The following NLK variants were observed in gnomAD, a reference collection of about 807,000 sequenced individuals.
NLK encodes the protein serine/threonine-protein kinase NLK.
Under a neutral mutation model 59.0 loss-of-function variants are expected in NLK, and 11 were observed. That is an observed-to-expected ratio of 0.19 (90% CI 0.12 to 0.31). NLK has a LOEUF of 0.31. NLK is among the 10% of genes least tolerant of loss of function. NLK has a pLI of 1.00. For synonymous variants in NLK, 235 were observed against 235.9 expected (o/e 1.00, Z 0.03); for missense variants, 410 against 661.1 (o/e 0.62, Z 4.16).
chr17:28,176,576 A>G (rs1251110893), intron 7 of NLK, among the ~76,000 whole-genome samples: 1 of 152,218 alleles, frequency 6.6e-6, no homozygotes, highest in Admixed American at 6.5e-5. Flanking sequence ...CCAGATGTTA[A>G]AATTAGGTTT....
intron 3 of NLK, among the ~76,000 whole-genome samples, chr17:28,148,667 A>T (rs145895058): frequency 1.9e-3 from 295 of 152,336 alleles, no homozygotes; most frequent in Non-Finnish European, 3.2e-3. Flanking sequence ...ACAAGTTGTT[A>T]TGAGGATTAA....
At chr17:28,142,665 C>G (rs1040387424) in intron 3 of NLK, among the ~76,000 whole-genome samples, 7 of 152,140 alleles carry the variant, frequency 4.6e-5, no homozygotes, top group Admixed American at 6.5e-5. Flanking sequence ...TCAGATCAGC[C>G]AGTTTCATAT....
At chr17:28,152,042 T>C (rs893794033) in intron 3 of NLK, among the ~76,000 whole-genome samples, 4 of 152,064 alleles carry the variant, frequency 2.6e-5, no homozygotes, top group African/African-American at 9.6e-5. Flanking sequence ...AGTTGAATTA[T>C]ATGAAAGTGT....
intron 1 of NLK, among the ~76,000 whole-genome samples, chr17:28,066,040 G>A (rs1451422496): frequency 6.6e-6 from 1 of 152,178 alleles, no homozygotes; most frequent in Non-Finnish European, 1.5e-5. Context: ...ACGAAGTTAT[G>A]TCAACGTAGC....
At position 28,190,904 on chromosome 17, in the gene NLK, A is replaced by T. The variant is rs1909283333; in HGVS notation, c.1237-117A>T. On this transcript the variant is annotated intron_variant, in intron 8 of 10. Transcript: ENST00000407008. ...ATTCAATTATCCCTCTTTGGACGGG[A>T]TGTACTATAAATTATATATATGCTA... 9.0e-6 allele frequency: 6 copies of T among 668,102 alleles called. No individual in the cohort carries two copies. The East Asian group carries it at 1.7e-4, about 19-fold the overall frequency. 41.4% of individuals were successfully genotyped at this position (668,102 alleles called of 1,614,324 possible). A position where few individuals can be genotyped will look rare whatever the true frequency, so the allele number is the denominator to read the frequency against.
intron 1 of NLK, among the ~76,000 whole-genome samples, chr17:28,118,048 C>T (rs575097977): frequency 6.6e-6 from 1 of 152,062 alleles, no homozygotes; most frequent in African/African-American, 2.4e-5. Flanking sequence ...TAACAAGGAC[C>T]AAGGTAACAA....
chr17:28,135,834 T>C (rs1281225141), intron 3 of NLK, among the ~76,000 whole-genome samples: 1 of 152,254 alleles, frequency 6.6e-6, no homozygotes, highest in Non-Finnish European at 1.5e-5. Context: ...TTTTGGTACT[T>C]GGTTTGAAAA....
chr17:28,055,281 C>T (rs559701539), intron 1 of NLK, among the ~76,000 whole-genome samples: 19 of 151,962 alleles, frequency 1.3e-4, no homozygotes, highest in Admixed American at 5.9e-4. Flanking sequence ...TTAGTAGAGA[C>T]GGAGTTTCAC....
At chr17:28,090,672 G>A (rs1237345724) in intron 1 of NLK, among the ~76,000 whole-genome samples, 3 of 151,920 alleles carry the variant, frequency 2.0e-5, no homozygotes, top group Admixed American at 1.3e-4. Flanking sequence ...CTCCTGGTGG[G>A]AGCTTGTTAA....
chr17:28,173,283 A>AG (rs1290642934), intron 7 of NLK, among the ~76,000 whole-genome samples: 7 of 152,202 alleles, frequency 4.6e-5, no homozygotes, highest in African/African-American at 1.7e-4. Flanking sequence ...AACAAATTAA[A>AG]ACAGAACAGA....
intron 2 of NLK, among the ~76,000 whole-genome samples, chr17:28,124,860 G>A (rs946148712): frequency 1.3e-5 from 2 of 151,914 alleles, no homozygotes; most frequent in Non-Finnish European, 2.9e-5. Context: ...GACCAGCTTG[G>A]GCAACGCTGC....
At chr17:28,158,111 G>A (rs1314750544) in intron 3 of NLK, among the ~76,000 whole-genome samples, 1 of 152,142 alleles carries the variant, frequency 6.6e-6, no homozygotes, top group African/African-American at 2.4e-5. Context: ...TGGATAGGGA[G>A]TACAGGTTGT....
intron 1 of NLK, among the ~76,000 whole-genome samples, chr17:28,083,143 A>T (rs865800882): frequency 1.3e-5 from 2 of 152,202 alleles, no homozygotes; most frequent in African/African-American, 4.8e-5. Flanking sequence ...GCACCTGTGA[A>T]GCAGCTTGAT....
chr17:28,152,697 C>T (rs1405447103), intron 3 of NLK, among the ~76,000 whole-genome samples: 2 of 152,006 alleles, frequency 1.3e-5, no homozygotes, highest in Non-Finnish European at 2.9e-5. Flanking sequence ...AATCATGGCT[C>T]ACCACAGCCT....
chr17:28,126,879 TATGTATATAC>T (rs1425434987), intron 2 of NLK, among the ~76,000 whole-genome samples: 4 of 152,218 alleles, frequency 2.6e-5, no homozygotes, highest in African/African-American at 9.6e-5. Context: ...TTTGTGCTTG[TATGTATATAC>T]ATGCATAGTT....
chr17:28,091,800 G>A (rs974810629), intron 1 of NLK, among the ~76,000 whole-genome samples: 14 of 152,164 alleles, frequency 9.2e-5, no homozygotes, highest in Non-Finnish European at 4.4e-5. Context: ...TTGCAGGTGT[G>A]CAACCAATCC....
At chr17:28,049,401 T>C (rs1909169933) in intron 1 of NLK, among the ~76,000 whole-genome samples, 1 of 152,250 alleles carries the variant, frequency 6.6e-6, no homozygotes, top group Admixed American at 6.5e-5. Flanking sequence ...CTCACTAGTC[T>C]ATATATTTTT....
intron 3 of NLK, among the ~76,000 whole-genome samples, chr17:28,159,891 G>T (rs1441042997): frequency 6.6e-6 from 1 of 152,190 alleles, no homozygotes; most frequent in Non-Finnish European, 1.5e-5. Flanking sequence ...GATTTCTGAT[G>T]AATTGGAGGT....
chr17:28,043,446 C>G, intron 1 of NLK, 115 bp downstream of exon 1: 1 of 945,558 alleles, frequency 1.1e-6, no homozygotes. Flanking sequence ...AGCTTCTCAA[C>G]CCAACTGTAG....
Sources: gnomAD v4.1 joint callset for allele counts (sites outside exome capture counted in the v4.1 genomes callset) on GRCh38, gnomAD v4.1.1 for gene constraint, MANE v1.5 for transcripts, NCBI Gene and HGNC (gene_info 2026-07-23, HGNC 2026-07-21) for gene names.